The following ADAMTS18 variants were observed in gnomAD, a reference collection of about 807,000 sequenced individuals.
ADAMTS18 encodes the protein ADAM metallopeptidase with thrombospondin type 1 motif 18, also known as A disintegrin and metalloproteinase with thrombospondin motifs 18.
Under a neutral mutation model 165.9 loss-of-function variants are expected in ADAMTS18, and 157 were observed. That is an observed-to-expected ratio of 0.95 (90% CI 0.83 to 1.08). The LOEUF is 1.08. Ranked by LOEUF, ADAMTS18 falls within the 50% of genes least tolerant of loss-of-function variation. ADAMTS18 has a pLI of 0.00. For missense variants in ADAMTS18, 2,040 were observed against 1,534.0 expected (o/e 1.33, Z -5.51); for synonymous variants, 782 against 578.2 (o/e 1.35, Z -5.06).
chr16:77,296,020 A>G (rs62044012), intron 18 of ADAMTS18, among the ~76,000 whole-genome samples: 3 of 98,242 alleles, frequency 3.1e-5, no homozygotes, highest in Non-Finnish European at 8.4e-5. Context: ...GTGTGTGTGT[A>G]TATATATATA....
At position 77,319,914 on chromosome 16, in the gene ADAMTS18, G is replaced by A. The variant is rs1327426602; in HGVS notation, c.2467C>T (p.Arg823Cys). Residue 823 changes from arginine to cysteine, a missense_variant, in exon 16 of 23, where the codon CGC becomes TGC. Physicochemically the swap from Arg to Cys is radical, Grantham distance 180. Transcript: ENST00000282849. ...AGACGTTCCGGGCGGTTGAAAGAGC[G>A]CTGGTATTCAAACGTGGTCCCAGCG... The part of the protein sequence containing the change: ...PFAGTTFEYQ[R>C]SFNRPERLYA... The A allele has an allele frequency of 6.8e-6, 11 of 1,614,032 alleles. No individual in the cohort carries two copies. The highest frequency in any genetic ancestry group is 2.2e-5 in the South Asian group (2 of 91,086).
chr16:77,285,992 A>G, intron 22 of ADAMTS18, among the ~76,000 whole-genome samples: 1 of 150,652 alleles, frequency 6.6e-6, no homozygotes, highest in Admixed American at 6.6e-5. Flanking sequence ...TCTTCTGCTC[A>G]AAGTTCTCCA....
intron 16 of ADAMTS18, among the ~76,000 whole-genome samples, chr16:77,313,308 G>T (rs1330184060): frequency 6.6e-6 from 1 of 152,034 alleles, no homozygotes; most frequent in Admixed American, 6.6e-5. Flanking sequence ...GTGGGGGCAG[G>T]GGGGAAGGAT....
chr16:77,286,858 T>C (rs1022672681), intron 22 of ADAMTS18, among the ~76,000 whole-genome samples: 3 of 152,180 alleles, frequency 2.0e-5, no homozygotes, highest in African/African-American at 4.8e-5. Context: ...CTTCTCTCTT[T>C]TCTGAAGAGA....
chr16:77,429,831 T>C (rs1755579146), intron 3 of ADAMTS18, among the ~76,000 whole-genome samples: 1 of 152,190 alleles, frequency 6.6e-6, no homozygotes, highest in African/African-American at 2.4e-5. Flanking sequence ...GCTATGGCAC[T>C]TTCCACATAA....
At chr16:77,295,990 T>C (rs1258874079) in intron 18 of ADAMTS18, among the ~76,000 whole-genome samples, 1 of 145,644 alleles carries the variant, frequency 6.9e-6, no homozygotes, top group African/African-American at 2.5e-5. Context: ...TGCACTATTA[T>C]TTACAAGAAA....
Position 77,295,080 on chromosome 16 carries a change from C to A in ADAMTS18, c.2849G>T (p.Gly950Val). The change falls in exon 19 of 23, where the codon GGC (glycine) becomes GTC (valine). Residue 950 changes from glycine (G) to valine (V), a missense_variant. By Grantham distance (109) the Gly-to-Val change is moderately radical (BLOSUM62 -3). Transcript: ENST00000282849. ...WSTCSKACAG[G>V]QQSRKIQCVQ... ...ACACTGGATCTTTCGGCTCTGCTGG[C>A]CTCCAGCACAGGCCTTGCTGCATGT... 1.2e-6 allele frequency: 2 copies of A among 1,614,186 alleles called. No homozygotes were observed. The highest frequency in any genetic ancestry group is 1.7e-6 in the Non-Finnish European group (2 of 1,180,028).
chr16:77,298,751 T>TA (rs138383917), intron 17 of ADAMTS18, among the ~76,000 whole-genome samples: 4,090 of 152,298 alleles, frequency 0.027, 199 homozygotes, highest in African/African-American at 0.094. Context: ...GTAATTGTGC[T>TA]ACTGCATTCC....
At chr16:77,295,968 G>C (rs2055462265) in intron 18 of ADAMTS18, among the ~76,000 whole-genome samples, 1 of 150,896 alleles carries the variant, frequency 6.6e-6, no homozygotes. Context: ...CTCAGCCTCA[G>C]ATTATGACAA....
chr16:77,428,707 T>C (rs1343676199), intron 3 of ADAMTS18, among the ~76,000 whole-genome samples: 1 of 152,164 alleles, frequency 6.6e-6, no homozygotes, highest in East Asian at 1.9e-4. Flanking sequence ...AACTTTTGAG[T>C]ACTGATATGA....
chr16:77,375,277 C>T (rs920123639), intron 3 of ADAMTS18, among the ~76,000 whole-genome samples: 1 of 152,162 alleles, frequency 6.6e-6, no homozygotes, highest in African/African-American at 2.4e-5. Context: ...CCACCTCAGC[C>T]TCCCAAAGTG....
At chr16:77,343,305 C>T (rs183609330) in intron 10 of ADAMTS18, among the ~76,000 whole-genome samples, 4 of 152,346 alleles carry the variant, frequency 2.6e-5, no homozygotes, top group Non-Finnish European at 4.4e-5. Flanking sequence ...AACTCCCAAC[C>T]TCAGGTGATC....
intron 13 of ADAMTS18, among the ~76,000 whole-genome samples, chr16:77,323,164 A>T (rs1316438075): frequency 6.6e-6 from 1 of 152,224 alleles, no homozygotes; most frequent in East Asian, 1.9e-4. Flanking sequence ...GTTATCAGAA[A>T]GGAGTTCCTA....
intron 3 of ADAMTS18, among the ~76,000 whole-genome samples, chr16:77,370,637 C>G (rs1218373091): frequency 6.6e-6 from 1 of 152,080 alleles, no homozygotes; most frequent in Non-Finnish European, 1.5e-5. Context: ...GTAGTCGCAA[C>G]TACTCAGGAG....
In ADAMTS18 at chr16:77,341,725, C is replaced by T. The variant is rs1442515046; in HGVS notation, c.1689G>A (p.Gly563=). 1 of 1,613,720 alleles carries T rather than the reference C, an allele frequency of 6.2e-7. No homozygotes were observed. The highest frequency in any genetic ancestry group is 8.5e-7 in the Non-Finnish European group (1 of 1,179,850). The part of the protein sequence containing the change: ...CETKFMPAAE[G]TVCGLSMWCR... ...TTACCATACTCAAGCCACAAACGGTCCCTTCTGCTGCGGGCATAAACTTGG... is the reference window on the plus strand; with the variant it reads ...TTACCATACTCAAGCCACAAACGGTTCCTTCTGCTGCGGGCATAAACTTGG... Residue 563 remains glycine, a synonymous_variant, in exon 11 of 23, where the codon GGG becomes GGA. Coordinates refer to ENST00000282849, the MANE Select transcript of ADAMTS18 (RefSeq NM_199355.4).
intron 11 of ADAMTS18, among the ~76,000 whole-genome samples, chr16:77,341,145 T>C (rs1206116520): frequency 6.6e-6 from 1 of 152,144 alleles, no homozygotes; most frequent in Non-Finnish European, 1.5e-5. Context: ...AGATCTCCTA[T>C]AATCTTTCAA....
At chr16:77,333,005 A>G (rs2056215152) in intron 12 of ADAMTS18, among the ~76,000 whole-genome samples, 1 of 152,216 alleles carries the variant, frequency 6.6e-6, no homozygotes, top group Non-Finnish European at 1.5e-5. Flanking sequence ...GCAGTTCACC[A>G]GTTTGAGAGA....
At chr16:77,401,606 A>G (rs2057332712) in intron 3 of ADAMTS18, among the ~76,000 whole-genome samples, 1 of 152,194 alleles carries the variant, frequency 6.6e-6, no homozygotes, top group African/African-American at 2.4e-5. Flanking sequence ...AACTTTATGT[A>G]TCAAATTGAC....
chr16:77,348,579 G>A (rs2056510827), intron 10 of ADAMTS18, among the ~76,000 whole-genome samples: 1 of 152,224 alleles, frequency 6.6e-6, no homozygotes, highest in Non-Finnish European at 1.5e-5. Flanking sequence ...GGAGGGATGA[G>A]AGAAGAGGCA....
Sources: gnomAD v4.1 joint callset for allele counts (sites outside exome capture counted in the v4.1 genomes callset) on GRCh38, gnomAD v4.1.1 for gene constraint, MANE v1.5 for transcripts, NCBI Gene and HGNC (gene_info 2026-07-23, HGNC 2026-07-21) for gene names.